SLC44A1: variants seen among roughly 807,000 people sequenced by gnomAD.
SLC44A1 encodes the protein solute carrier family 44 member 1, also known as choline transporter-like protein 1.
A neutral mutation model predicts 79.3 loss-of-function variants in SLC44A1; 26 were observed. The observed-to-expected ratio is 0.33, with a 90% CI of 0.24 to 0.46. The LOEUF is 0.46. Ranked by LOEUF, SLC44A1 falls within the 20% of genes least tolerant of loss-of-function variation. SLC44A1 has a pLI of 1.00. For synonymous variants in SLC44A1, 263 were observed against 286.2 expected (o/e 0.92, Z 0.82); for missense variants, 688 against 798.1 (o/e 0.86, Z 1.66).
intron 2 of SLC44A1, among the ~76,000 whole-genome samples, chr9:105,309,381 C>T (rs896279549): frequency 3.9e-5 from 6 of 152,106 alleles, no homozygotes; most frequent in East Asian, 3.8e-4. Flanking sequence ...TTAGAGATAA[C>T]GTACTACAAG....
Position 105,392,403 on chromosome 9 carries a change from CTTTTTTT to C in SLC44A1, c.*3368_*3374del, listed in dbSNP as rs57226567. The C allele has an allele frequency of 0.014, 8,247 of 607,208 alleles. 55 individuals carry two copies. The highest frequency in any genetic ancestry group is 0.023 in the Middle Eastern group (27 of 1,166). The allele number at this position is 607,208 out of a possible 1,614,324, so 37.6% of individuals were successfully genotyped here. A position where few individuals can be genotyped will look rare whatever the true frequency, so the allele number is the denominator to read the frequency against. ...GTAGAGATGCTCTCTCTCTCTCTCT[CTTTTTTT>C]TTTTTTTTTTTTTTTTTTTTCCGTG... On this transcript the variant is annotated 3_prime_UTR_variant, in exon 16 of 16. Coordinates refer to ENST00000374720, the MANE Select transcript of SLC44A1 (RefSeq NM_080546.5).
Position 105,394,523 on chromosome 9 carries a change from T to C in SLC44A1, c.*5467T>C, listed in dbSNP as rs868765802. On this transcript the variant is annotated 3_prime_UTR_variant, in exon 16 of 16. Transcript: ENST00000374720. The stretch of plus-strand genomic sequence containing the variant: ...TTGCAGTGAGCCAAAAAAAAAAAAA[T>C]ATCCAAGAAGAAATAAATAGGGAAT... The C allele has an allele frequency of 2.1e-6, 2 of 962,490 alleles. No homozygotes were observed. Among genetic ancestry groups the C allele is most frequent in the South Asian group, 4.9e-5 (1 of 20,584 alleles). The allele number at this position is 962,490 out of a possible 1,614,324, so 59.6% of individuals were successfully genotyped here.
chr9:105,278,086 G>A (rs1830252839), intron 1 of SLC44A1, among the ~76,000 whole-genome samples: 1 of 151,596 alleles, frequency 6.6e-6, no homozygotes, highest in Non-Finnish European at 1.5e-5. Flanking sequence ...TTTTAAGACA[G>A]GGTCTCACTC....
chr9:105,313,325 G>A (rs141422114), intron 3 of SLC44A1, among the ~76,000 whole-genome samples: 4 of 152,164 alleles, frequency 2.6e-5, no homozygotes, highest in Non-Finnish European at 5.9e-5. Context: ...CAGTTGCTAG[G>A]TAACAGTATT....
intron 13 of SLC44A1, among the ~76,000 whole-genome samples, chr9:105,376,853 A>G (rs951254592): frequency 2.0e-5 from 3 of 152,188 alleles, no homozygotes; most frequent in African/African-American, 7.2e-5. Flanking sequence ...AGCTACTAGT[A>G]TTATCTTTGG....
chr9:105,353,743 T>C (rs917768766), intron 5 of SLC44A1, among the ~76,000 whole-genome samples: 3 of 152,204 alleles, frequency 2.0e-5, no homozygotes, highest in African/African-American at 7.2e-5. Flanking sequence ...ATATATTTTA[T>C]GTTCAAGGTT....
At chr9:105,284,284 T>C (rs1016409256) in intron 1 of SLC44A1, among the ~76,000 whole-genome samples, 8 of 151,380 alleles carry the variant, frequency 5.3e-5, no homozygotes, top group Non-Finnish European at 5.9e-5. Flanking sequence ...CAGGCTGGTC[T>C]TGAACTCTGA....
intron 1 of SLC44A1, among the ~76,000 whole-genome samples, chr9:105,295,761 T>TG (rs773810582): frequency 1.1e-4 from 16 of 141,760 alleles, no homozygotes; most frequent in Non-Finnish European, 9.2e-5. Context: ...GGGCGGGGAG[T>TG]GGGGGGGAGG....
chr9:105,278,253 A>C (rs1166964323), intron 1 of SLC44A1, among the ~76,000 whole-genome samples: 1 of 144,180 alleles, frequency 6.9e-6, no homozygotes, highest in African/African-American at 2.6e-5. Context: ...CTATTTATTT[A>C]TTTATTTATT....
At chr9:105,284,085 G>A (rs568438809) in intron 1 of SLC44A1, among the ~76,000 whole-genome samples, 1 of 152,156 alleles carries the variant, frequency 6.6e-6, no homozygotes, top group East Asian at 1.9e-4. Flanking sequence ...CAGTTTGGAA[G>A]GACAGTATCA....
At chr9:105,401,949 A>T (rs1358881853), downstream of SLC44A1, among the ~76,000 whole-genome samples, 2 of 152,172 alleles carry the variant, frequency 1.3e-5, no homozygotes, top group Non-Finnish European at 2.9e-5. Flanking sequence ...ATTAGGAGAA[A>T]CTGTCTCAGC....
intron 1 of SLC44A1, among the ~76,000 whole-genome samples, chr9:105,270,820 C>A (rs528981580): frequency 6.6e-6 from 1 of 152,262 alleles, no homozygotes; most frequent in East Asian, 1.9e-4. Context: ...TAGAACAGTG[C>A]CTGGTCAATG....
At position 105,366,394 on chromosome 9, in the gene SLC44A1, T is replaced by C. The variant is rs560681802; in HGVS notation, c.1459T>C (p.Trp487Arg). The change falls in exon 12 of 16, where the codon TGG becomes CGG. Residue 487 changes from tryptophan (W) to arginine (R), a missense_variant. Transcript: ENST00000374720. The stretch of plus-strand genomic sequence containing the variant: ...GCTGAAATCTTGCATTTGTTGCCTT[T>C]GGTGTCTTGAAAAGTGCCTAAATTA... ...CVLKSCICCL[W>R]CLEKCLNYLN... 6.5e-7 allele frequency: 1 copy of C among 1,541,614 alleles called. No homozygotes were observed. The highest frequency in any genetic ancestry group is 1.3e-5 in the South Asian group (1 of 77,690).
chr9:105,372,479 G>A (rs1828134291), intron 12 of SLC44A1, among the ~76,000 whole-genome samples: 1 of 151,670 alleles, frequency 6.6e-6, no homozygotes, highest in African/African-American at 2.4e-5. Flanking sequence ...CAGTTGAGAC[G>A]GGGTTTCACC....
chr9:105,324,386 G>A (rs1037859604), intron 3 of SLC44A1, among the ~76,000 whole-genome samples: 2 of 151,834 alleles, frequency 1.3e-5, no homozygotes, highest in African/African-American at 4.8e-5. Context: ...GAGTATCTGG[G>A]ATTACAGTTG....
In SLC44A1 at chr9:105,361,263, A is replaced by G; in HGVS notation, c.833A>G (p.Gln278Arg). Reference sequence around the variant, plus strand: ...CCCAAAGAAACTGTTACTCCTGAGCAGCTTCAGATAGCTGAAGACAATCTT... The same window carrying G: ...CCCAAAGAAACTGTTACTCCTGAGCGGCTTCAGATAGCTGAAGACAATCTT... ...RSPKETVTPE[Q>R]LQIAEDNLRA... The change falls in exon 8 of 16, where the codon CAG (glutamine) becomes CGG (arginine). Residue 278 changes from glutamine (Q) to arginine (R), a missense_variant. Gln to Arg is a conservative substitution (Grantham distance 43). Transcript: ENST00000374720. 4.3e-6 allele frequency: 7 copies of G among 1,613,656 alleles called. No homozygotes were observed. Among genetic ancestry groups the G allele is most frequent in the Non-Finnish European group, 5.9e-6 (7 of 1,179,608 alleles).
At position 105,397,259 on chromosome 9, in the gene SLC44A1, A is replaced by T; in HGVS notation, c.*8203A>T. On this transcript the variant is annotated 3_prime_UTR_variant, in exon 16 of 16. Transcript: ENST00000374720. ...CTAAGTTTTCTCTGTGTACTGACTC[A>T]GTTGCCAGAATTATAATGAAAACTG... 1.0e-6 allele frequency: 1 copy of T among 985,206 alleles called. No homozygotes were observed. 61.0% of individuals were successfully genotyped at this position (985,206 alleles called of 1,614,324 possible). A position where few individuals can be genotyped will look rare whatever the true frequency, so the allele number is the denominator to read the frequency against.
chr9:105,271,935 G>C (rs1190452324), intron 1 of SLC44A1, among the ~76,000 whole-genome samples: 1 of 152,126 alleles, frequency 6.6e-6, no homozygotes, highest in Non-Finnish European at 1.5e-5. Context: ...TTAAATGCTA[G>C]TTCTAGGGTT....
At position 105,302,869 on chromosome 9, in the gene SLC44A1, A is replaced by C. The variant is rs576043453; in HGVS notation, c.126+3560A>C. On this transcript the variant is annotated intron_variant, in intron 2 of 15. Coordinates refer to ENST00000374720, the MANE Select transcript of SLC44A1 (RefSeq NM_080546.5). The stretch of plus-strand genomic sequence containing the variant: ...CAGCTAATGTTAAAGATGGCTTGGA[A>C]GGTTGAAAGAGGTTTCAGGCAGATC... 1.2e-3 allele frequency among the ~76,000 whole-genome samples: 186 copies of C among 152,284 alleles called. 1 individual carries two copies. The highest frequency in any genetic ancestry group is 1.1e-3 in the Non-Finnish European group (77 of 68,014).
Sources: allele counts gnomAD v4.1 joint callset (sites outside exome capture counted in the v4.1 genomes callset), GRCh38; gene constraint gnomAD v4.1.1; transcripts MANE v1.5; gene names NCBI Gene and HGNC (gene_info 2026-07-23, HGNC 2026-07-21).